TNFAIP8: variants seen among roughly 807,000 people sequenced by gnomAD.
TNFAIP8 encodes the protein tumor necrosis factor alpha-induced protein 8.
TNFAIP8 carries 7 observed loss-of-function variants against 13.3 expected under a neutral mutation model. That is an observed-to-expected ratio of 0.52 (90% CI 0.30 to 0.99). The LOEUF is 0.99. TNFAIP8 is among the 50% of genes least tolerant of loss of function. The pLI is 0.07. For missense variants in TNFAIP8, 258 were observed against 236.9 expected, an observed-to-expected ratio of 1.09 and a Z score of -0.58; for synonymous variants, 94 against 87.6, an observed-to-expected ratio of 1.07 and a Z score of -0.41.
At chr5:119,339,967 C>T (rs1043390004) in intron 1 of TNFAIP8, among the ~76,000 whole-genome samples, 2 of 152,168 alleles carry the variant, frequency 1.3e-5, no homozygotes, top group African/African-American at 4.8e-5. Flanking sequence ...ATGGGGCAAT[C>T]AGTCATAGAG....
intron 1 of TNFAIP8, among the ~76,000 whole-genome samples, chr5:119,362,254 G>A (rs894551580): frequency 3.9e-5 from 6 of 152,214 alleles, no homozygotes; most frequent in African/African-American, 1.4e-4. Flanking sequence ...TACTTATGCT[G>A]TGTGCTGGGA....
chr5:119,395,600 G>C lies in TNFAIP8; in HGVS notation c.*2219G>C, dbSNP rs1244307445. Reference sequence around the variant, plus strand: ...CACAGAGGGAAGGCAGTGAGGAGTAGACCGAAGGAGGGAATCCTGTTTGCT... The same window carrying C: ...CACAGAGGGAAGGCAGTGAGGAGTACACCGAAGGAGGGAATCCTGTTTGCT... On this transcript the variant is annotated 3_prime_UTR_variant, in exon 2 of 2. Transcript: ENST00000504771. 1 of 152,214 alleles carries C rather than the reference G, an allele frequency of 6.6e-6. No homozygotes were observed. The highest frequency in any genetic ancestry group is 1.5e-5 in the Non-Finnish European group (1 of 68,058). The allele number at this position is 152,214 out of a possible 1,614,324, so 9.4% of individuals were successfully genotyped here. A position where few individuals can be genotyped will look rare whatever the true frequency, so the allele number is the denominator to read the frequency against.
intron 1 of TNFAIP8, among the ~76,000 whole-genome samples, chr5:119,325,511 G>A (rs181617086): frequency 0.095 from 14,484 of 152,182 alleles, 797 homozygotes; most frequent in African/African-American, 0.16. Flanking sequence ...GTAGTGGTGC[G>A]ATCTCAGCTC....
chr5:119,373,175 C>T (rs1752152314), intron 1 of TNFAIP8, among the ~76,000 whole-genome samples: 1 of 152,112 alleles, frequency 6.6e-6, no homozygotes, highest in Non-Finnish European at 1.5e-5. Flanking sequence ...TTTTCGACAG[C>T]CTGCTGGCCA....
chr5:119,278,310 G>GT (rs1239108098), intron 1 of TNFAIP8, among the ~76,000 whole-genome samples: 1 of 148,796 alleles, frequency 6.7e-6, no homozygotes, highest in Non-Finnish European at 1.5e-5. Flanking sequence ...TCAGCAACAG[G>GT]TATCACAGGT....
intron 1 of TNFAIP8, among the ~76,000 whole-genome samples, chr5:119,291,074 TC>T (rs1354068625): frequency 6.6e-6 from 1 of 152,366 alleles, no homozygotes; most frequent in East Asian, 1.9e-4. Flanking sequence ...TTGGTGCCCT[TC>T]TCGTTTGTTT....
intron 1 of TNFAIP8, among the ~76,000 whole-genome samples, chr5:119,298,449 G>A (rs1010782351): frequency 2.4e-4 from 36 of 151,814 alleles, no homozygotes; most frequent in African/African-American, 7.5e-4. Flanking sequence ...CTCTCTTCTG[G>A]CTTGTAGAGT....
chr5:119,309,137 C>A (rs555758407), intron 1 of TNFAIP8, among the ~76,000 whole-genome samples: 50 of 152,182 alleles, frequency 3.3e-4, no homozygotes, highest in Non-Finnish European at 6.5e-4. Flanking sequence ...ACTCAAACCA[C>A]AACTTCCTTC....
chr5:119,309,155 T>C lies in TNFAIP8; in HGVS notation c.1+40248T>C, dbSNP rs374493969. Among the ~76,000 whole-genome samples, 190 of 152,360 alleles carry C rather than the reference T, an allele frequency of 1.2e-3. 3 individuals carry two copies. In the South Asian group the frequency reaches 0.038, roughly 30 times the overall value. ...CAAACCACAACTTCCTTCCTCTGTG[T>C]TAAAAGCCTCTGCAACATGCATTGG... is the stretch of plus-strand genomic sequence containing the variant. On this transcript the variant is annotated intron_variant, in intron 1 of 1. Transcript: ENST00000274456.
chr5:119,326,363 A>T (rs149340853), intron 1 of TNFAIP8, among the ~76,000 whole-genome samples: 1 of 152,250 alleles, frequency 6.6e-6, no homozygotes, highest in East Asian at 1.9e-4. Context: ...GCTCCATCTG[A>T]GCTGAGCCTT....
chr5:119,300,748 G>T (rs1195244151), intron 1 of TNFAIP8, among the ~76,000 whole-genome samples: 2 of 152,158 alleles, frequency 1.3e-5, no homozygotes, highest in Non-Finnish European at 2.9e-5. Flanking sequence ...GACTCTACAG[G>T]CTATGCTGTT....
intron 1 of TNFAIP8, among the ~76,000 whole-genome samples, chr5:119,374,224 T>C (rs1752194917): frequency 2.6e-5 from 4 of 152,186 alleles, no homozygotes. Flanking sequence ...AATATTTGCA[T>C]TATACTTACT....
At chr5:119,381,746 A>AGAGTGG (rs1312933630) in intron 1 of TNFAIP8, among the ~76,000 whole-genome samples, 1 of 151,982 alleles carries the variant, frequency 6.6e-6, no homozygotes, top group Non-Finnish European at 1.5e-5. Context: ...CAGAGTGGCC[A>AGAGTGG]ATATGGTGAA....
At chr5:119,389,042 G>A (rs541657497) in intron 1 of TNFAIP8, among the ~76,000 whole-genome samples, 85 of 152,240 alleles carry the variant, frequency 5.6e-4, no homozygotes, top group Non-Finnish European at 9.7e-4. Flanking sequence ...GGAGGGAAAT[G>A]GATAGAATTC....
chr5:119,360,780 T>G (rs1751603715), intron 1 of TNFAIP8, among the ~76,000 whole-genome samples: 1 of 152,192 alleles, frequency 6.6e-6, no homozygotes, highest in Non-Finnish European at 1.5e-5. Context: ...ATTCACTACC[T>G]CTTGGGGGGA....
At chr5:119,311,257 C>G (rs1561995458) in intron 1 of TNFAIP8, among the ~76,000 whole-genome samples, 1 of 152,126 alleles carries the variant, frequency 6.6e-6, no homozygotes, top group South Asian at 2.1e-4. Flanking sequence ...CCCTTGGGCT[C>G]AAGTGATCTT....
intron 1 of TNFAIP8, among the ~76,000 whole-genome samples, chr5:119,274,601 G>A (rs887993281): frequency 8.5e-5 from 13 of 152,124 alleles, no homozygotes; most frequent in African/African-American, 3.1e-4. Flanking sequence ...TTTATGACCT[G>A]GAATGACTGA....
At chr5:119,291,423 G>A (rs746915667) in intron 1 of TNFAIP8, among the ~76,000 whole-genome samples, 2 of 152,218 alleles carry the variant, frequency 1.3e-5, no homozygotes, top group African/African-American at 2.4e-5. Flanking sequence ...TTCGATTTAC[G>A]TAAGTGGAAA....
chr5:119,376,672 G>A (rs1224059931), intron 1 of TNFAIP8, among the ~76,000 whole-genome samples: 1 of 147,232 alleles, frequency 6.8e-6, no homozygotes, highest in African/African-American at 2.5e-5. Context: ...ACAATAAATT[G>A]TAACCAATCA....
Sources: allele counts gnomAD v4.1 joint callset (sites outside exome capture counted in the v4.1 genomes callset), GRCh38; gene constraint gnomAD v4.1.1; transcripts MANE v1.5; gene names NCBI Gene and HGNC (gene_info 2026-07-23, HGNC 2026-07-21).